LRP1B: variants seen among roughly 807,000 people sequenced by gnomAD.
LRP1B encodes LDL receptor related protein 1B.
In LRP1B, 217 loss-of-function variants were observed where a neutral mutation model predicts 556.6. The observed-to-expected ratio is 0.39, with a 90% CI of 0.35 to 0.44. The LOEUF (loss-of-function observed/expected upper bound fraction) is 0.44, where lower values mean the gene tolerates loss of function less well. LRP1B is among the 20% of genes least tolerant of loss of function. The pLI is 1.00. For synonymous variants in LRP1B, 2,047 were observed against 1,865.8 expected, an observed-to-expected ratio of 1.10 and a Z score of -2.50; for missense variants, 5,053 against 5,620.8, an observed-to-expected ratio of 0.90 and a Z score of 3.23.
chr2:141,972,337 G>A (rs1039040255), intron 1 of LRP1B, among the ~76,000 whole-genome samples: 1 of 151,378 alleles, frequency 6.6e-6, no homozygotes, highest in Non-Finnish European at 1.5e-5. Flanking sequence ...TGTTATATAT[G>A]CATATTGTTT....
intron 72 of LRP1B, among the ~76,000 whole-genome samples, chr2:140,362,039 C>G (rs1292015774): frequency 6.6e-6 from 1 of 151,480 alleles, no homozygotes; most frequent in African/African-American, 2.4e-5. Flanking sequence ...ATATCCAATC[C>G]GTCATTTAAT....
At chr2:141,124,452 C>A (rs1701147490) in intron 7 of LRP1B, among the ~76,000 whole-genome samples, 1 of 152,042 alleles carries the variant, frequency 6.6e-6, no homozygotes, top group African/African-American at 2.4e-5. Context: ...GCTTGCAAAG[C>A]AATTCCATGA....
chr2:141,869,539 G>GT (rs1698518107), intron 1 of LRP1B, among the ~76,000 whole-genome samples: 1 of 152,068 alleles, frequency 6.6e-6, no homozygotes, highest in South Asian at 2.1e-4. Flanking sequence ...TAGGTGATTT[G>GT]TGATATGTAC....
At chr2:140,378,135 G>T in intron 68 of LRP1B, 45 bp downstream of exon 68, 1 of 1,239,500 alleles carries the variant, frequency 8.1e-7, no homozygotes, top group Non-Finnish European at 1.2e-6. Flanking sequence ...TTACAAATGT[G>T]GTTCTAAAGC....
intron 3 of LRP1B, among the ~76,000 whole-genome samples, chr2:141,339,628 C>T (rs1687981486): frequency 6.6e-6 from 1 of 152,142 alleles, no homozygotes; most frequent in Non-Finnish European, 1.5e-5. Flanking sequence ...AGTCAGCACT[C>T]CTTGTATATT....
intron 7 of LRP1B, among the ~76,000 whole-genome samples, chr2:141,104,651 A>G (rs1020904821): frequency 6.6e-6 from 1 of 152,082 alleles, no homozygotes; most frequent in African/African-American, 2.4e-5. Context: ...TTGAACAGCA[A>G]TGTAAAAATC....
At chr2:140,587,558 C>G (rs1247724345) in intron 43 of LRP1B, among the ~76,000 whole-genome samples, 1 of 152,008 alleles carries the variant, frequency 6.6e-6, no homozygotes. Context: ...ATAGTAGCTA[C>G]CAAAGGCTGG....
At chr2:141,704,323 C>T (rs1242074401) in intron 2 of LRP1B, among the ~76,000 whole-genome samples, 2 of 151,908 alleles carry the variant, frequency 1.3e-5, no homozygotes, top group Non-Finnish European at 2.9e-5. Context: ...AGCAGAACTT[C>T]TCTACTTCTC....
At chr2:140,871,540 G>A (rs923065997) in intron 25 of LRP1B, among the ~76,000 whole-genome samples, 5 of 152,000 alleles carry the variant, frequency 3.3e-5, no homozygotes, top group African/African-American at 1.2e-4. Context: ...TATGATTCAG[G>A]GCAAGAGATC....
At chr2:141,143,835 C>CTT (rs11408374) in intron 7 of LRP1B, among the ~76,000 whole-genome samples, 10,025 of 148,058 alleles carry the variant, frequency 0.068, 466 homozygotes, top group South Asian at 0.18. Flanking sequence ...CTTTCCTAAT[C>CTT]TTTTTTTTTT....
intron 3 of LRP1B, among the ~76,000 whole-genome samples, chr2:141,255,755 C>T (rs1355226136): frequency 1.3e-4 from 20 of 151,804 alleles, no homozygotes; most frequent in Admixed American, 1.3e-3. Context: ...TTTCTATCCA[C>T]ATCTGCGTAT....
At chr2:141,960,706 T>G (rs951078977) in intron 1 of LRP1B, among the ~76,000 whole-genome samples, 2 of 151,880 alleles carry the variant, frequency 1.3e-5, no homozygotes, top group African/African-American at 4.8e-5. Context: ...TAACATATCA[T>G]TCTCCACTTT....
intron 3 of LRP1B, among the ~76,000 whole-genome samples, chr2:141,466,766 C>T (rs780913981): frequency 5.9e-5 from 9 of 151,956 alleles, no homozygotes; most frequent in Non-Finnish European, 1.2e-4. Context: ...GGACCCGAGT[C>T]ACATACGGAA....
At chr2:141,601,586 A>G (rs2105309416) in intron 2 of LRP1B, among the ~76,000 whole-genome samples, 1 of 142,640 alleles carries the variant, frequency 7.0e-6, no homozygotes, top group South Asian at 2.3e-4. Flanking sequence ...TTTAACCTGT[A>G]TTGTAGCACT....
At chr2:141,102,450 C>T (rs551330984) in intron 7 of LRP1B, among the ~76,000 whole-genome samples, 9 of 152,110 alleles carry the variant, frequency 5.9e-5, no homozygotes, top group African/African-American at 1.9e-4. Flanking sequence ...ATTATTGCAG[C>T]GACAAACATA....
chr2:140,612,780 C>T (rs777311784), intron 41 of LRP1B, among the ~76,000 whole-genome samples: 2 of 152,116 alleles, frequency 1.3e-5, no homozygotes, highest in Non-Finnish European at 2.9e-5. Flanking sequence ...TTAGTGTCAA[C>T]TCTTATGCCT....
At chr2:140,671,204 T>C (rs573129624) in intron 41 of LRP1B, among the ~76,000 whole-genome samples, 1 of 152,128 alleles carries the variant, frequency 6.6e-6, no homozygotes, top group South Asian at 2.1e-4. Flanking sequence ...CCATATTTCT[T>C]TTGAGGGCTC....
chr2:140,422,449 T>C (rs1356329968), intron 66 of LRP1B, among the ~76,000 whole-genome samples: 2 of 152,192 alleles, frequency 1.3e-5, no homozygotes, highest in Non-Finnish European at 2.9e-5. Context: ...ATATGCTGCA[T>C]TATTTTCCAT....
intron 7 of LRP1B, among the ~76,000 whole-genome samples, chr2:141,139,931 A>C (rs1450228201): frequency 6.6e-6 from 1 of 151,960 alleles, no homozygotes; most frequent in African/African-American, 2.4e-5. Context: ...ATAGAAAAAA[A>C]CTTGAAGCTA....
Sources: gnomAD v4.1 joint callset for allele counts (sites outside exome capture counted in the v4.1 genomes callset) on GRCh38, gnomAD v4.1.1 for gene constraint, MANE v1.5 for transcripts, NCBI Gene and HGNC (gene_info 2026-07-23, HGNC 2026-07-21) for gene names.